RAB10: variants seen among roughly 807,000 people sequenced by gnomAD.
RAB10 encodes the protein RAB10, member RAS oncogene family.
In RAB10, 5 loss-of-function variants were observed where a neutral mutation model predicts 25.7. The observed-to-expected ratio is 0.19, with a 90% CI of 0.10 to 0.41. RAB10 has a LOEUF of 0.41. RAB10 is among the 10% of genes least tolerant of loss of function. RAB10 has a pLI of 1.00. For synonymous variants in RAB10, 89 were observed against 86.4 expected, an observed-to-expected ratio of 1.03 and a Z score of -0.16; for missense variants, 103 against 245.8, an observed-to-expected ratio of 0.42 and a Z score of 3.89.
Position 26,089,096 on chromosome 2 carries a change from T to G in RAB10, c.128-9566T>G, listed in dbSNP as rs1667049486. ...AGGGAATAAGACTGGAGAGGTGGCT[T>G]GGGGCCATGCTCAGAAATATATTTA... On this transcript the variant is annotated intron_variant, in intron 1 of 5. Coordinates refer to ENST00000264710, the MANE Select transcript of RAB10 (RefSeq NM_016131.5). Among the ~76,000 whole-genome samples the G allele has an allele frequency of 2.6e-5, 4 of 152,004 alleles. No individual in the cohort carries two copies. The East Asian group carries it at 7.7e-4, about 29-fold the overall frequency.
intron 2 of RAB10, among the ~76,000 whole-genome samples, chr2:26,108,879 A>ATTTATT (rs1212667172): frequency 4.3e-5 from 6 of 139,564 alleles, no homozygotes; most frequent in Non-Finnish European, 9.4e-5. Flanking sequence ...CTTTTGCTTT[A>ATTTATT]TATTTATTTA....
intron 1 of RAB10, among the ~76,000 whole-genome samples, chr2:26,061,109 T>G (rs867756560): frequency 6.8e-6 from 1 of 146,188 alleles, no homozygotes; most frequent in Non-Finnish European, 1.5e-5. Context: ...TTTTTTTTTT[T>G]TTTTTTTTGT....
chr2:26,067,733 A>G (rs1666542655), intron 1 of RAB10, among the ~76,000 whole-genome samples: 1 of 152,272 alleles, frequency 6.6e-6, no homozygotes, highest in African/African-American at 2.4e-5. Flanking sequence ...ATAGCTGTTT[A>G]CAATGCACAT....
chr2:26,108,802 GT>G (rs1335054696), intron 2 of RAB10, among the ~76,000 whole-genome samples: 1 of 152,034 alleles, frequency 6.6e-6, no homozygotes. Context: ...CAAAATAAAA[GT>G]TTTAAAAATA....
intron 2 of RAB10, among the ~76,000 whole-genome samples, chr2:26,103,051 C>T (rs1002555211): frequency 1.3e-5 from 2 of 152,108 alleles, no homozygotes; most frequent in Non-Finnish European, 2.9e-5. Flanking sequence ...TGTTCATTAT[C>T]CCTCCTTATT....
chr2:26,122,172 A>G (rs181992786), intron 3 of RAB10, among the ~76,000 whole-genome samples: 377 of 152,370 alleles, frequency 2.5e-3, no homozygotes, highest in African/African-American at 8.8e-3. Context: ...TTATTTCAAG[A>G]TAAATTAATC....
chr2:26,117,620 A>AG (rs1667718348), intron 3 of RAB10, among the ~76,000 whole-genome samples: 2 of 127,288 alleles, frequency 1.6e-5, no homozygotes, highest in African/African-American at 2.9e-5. Context: ...ACTCCGTCTC[A>AG]AAAAAAAAAA....
intron 1 of RAB10, among the ~76,000 whole-genome samples, chr2:26,035,003 A>G (rs1174829026): frequency 6.6e-6 from 1 of 152,004 alleles, no homozygotes; most frequent in Non-Finnish European, 1.5e-5. Flanking sequence ...CCAGAACCTT[A>G]TTTCTTCAGG....
chr2:26,105,650 T>A (rs1416811596), intron 2 of RAB10, among the ~76,000 whole-genome samples: 4 of 151,518 alleles, frequency 2.6e-5, no homozygotes, highest in African/African-American at 7.3e-5. Flanking sequence ...AGGAAAAAAA[T>A]AAAAAGAAAA....
At chr2:26,123,818 G>A (rs1163035409) in intron 3 of RAB10, among the ~76,000 whole-genome samples, 1 of 152,136 alleles carries the variant, frequency 6.6e-6, no homozygotes, top group Middle Eastern at 3.2e-3. Context: ...GATTGGTTTT[G>A]TATAGAAATA....
intron 3 of RAB10, among the ~76,000 whole-genome samples, chr2:26,120,033 G>A (rs1440626508): frequency 6.6e-6 from 1 of 152,126 alleles, no homozygotes; most frequent in Non-Finnish European, 1.5e-5. Context: ...TTATATATAA[G>A]GTAATTTTCC....
intron 1 of RAB10, among the ~76,000 whole-genome samples, chr2:26,035,444 A>G (rs1160426349): frequency 6.6e-6 from 1 of 152,154 alleles, no homozygotes; most frequent in Non-Finnish European, 1.5e-5. Context: ...ACAGGAAAGT[A>G]TTTTGCCAGT....
At chr2:26,107,798 A>G (rs1667496080) in intron 2 of RAB10, among the ~76,000 whole-genome samples, 1 of 151,192 alleles carries the variant, frequency 6.6e-6, no homozygotes, top group African/African-American at 2.4e-5. Context: ...CTCTATCTCA[A>G]AAAAAAAACC....
chr2:26,034,530 C>A lies in RAB10; in HGVS notation c.-79C>A. 1 of 1,584,652 alleles carries A rather than the reference C, an allele frequency of 6.3e-7. No individual in the cohort carries two copies. The highest frequency in any genetic ancestry group is 8.6e-7 in the Non-Finnish European group (1 of 1,163,720). On this transcript the variant is annotated 5_prime_UTR_variant, in exon 1 of 6. Transcript: ENST00000264710. ...CCCCGGTCCTCCGGCCTGAGAACGC[C>A]CGAGTGAGGAGTTGGCCGTAGTGAG...
intron 3 of RAB10, among the ~76,000 whole-genome samples, chr2:26,115,102 A>C (rs1162308768): frequency 1.3e-5 from 2 of 152,242 alleles, no homozygotes; most frequent in Non-Finnish European, 2.9e-5. Flanking sequence ...GCGTTCACAA[A>C]GATGGAGAGA....
At chr2:26,124,675 A>G (rs1354912845) in intron 3 of RAB10, among the ~76,000 whole-genome samples, 1 of 151,938 alleles carries the variant, frequency 6.6e-6, no homozygotes. Flanking sequence ...AGTACATTCT[A>G]CTGTTGTGCA....
intron 1 of RAB10, among the ~76,000 whole-genome samples, chr2:26,084,315 A>C (rs915891940): frequency 2.6e-5 from 4 of 152,198 alleles, no homozygotes; most frequent in African/African-American, 9.7e-5. Flanking sequence ...CCCTTTCATA[A>C]GTTCCCCCAA....
intron 1 of RAB10, among the ~76,000 whole-genome samples, chr2:26,047,814 C>T (rs938693087): frequency 1.3e-5 from 2 of 151,122 alleles, no homozygotes; most frequent in African/African-American, 2.4e-5. Context: ...ACCCCTGCCT[C>T]CTGTGTTCAA....
chr2:26,085,998 CAAAAAAA>C (rs71399354), intron 1 of RAB10, among the ~76,000 whole-genome samples: 1 of 54,594 alleles, frequency 1.8e-5, no homozygotes, highest in African/African-American at 7.4e-5. Flanking sequence ...AAACTGTCTC[CAAAAAAA>C]AAAAAAAAAA....
Sources: gnomAD v4.1 joint callset for allele counts (sites outside exome capture counted in the v4.1 genomes callset) on GRCh38, gnomAD v4.1.1 for gene constraint, MANE v1.5 for transcripts, NCBI Gene and HGNC (gene_info 2026-07-23, HGNC 2026-07-21) for gene names.